The following P2RY14 variants were observed in gnomAD, a reference collection of about 807,000 sequenced individuals.
P2RY14 encodes purinergic receptor P2Y14.
A neutral mutation model predicts 0.9 loss-of-function variants in P2RY14; 2 were observed. That is an observed-to-expected ratio of 2.16 (90% CI 0.88 to 6.79). The LOEUF (loss-of-function observed/expected upper bound fraction) is 6.79, where lower values mean the gene tolerates loss of function less well. Among genes scored for constraint, P2RY14 ranks in the 30% most tolerant of loss-of-function variants. P2RY14 has a pLI of 0.05. For synonymous variants in P2RY14, 158 were observed against 147.2 expected (o/e 1.07, Z -0.53); for missense variants, 378 against 400.1 (o/e 0.94, Z 0.47).
At chr3:151,246,020 A>G (rs1735373028) in intron 1 of P2RY14, among the ~76,000 whole-genome samples, 2 of 151,040 alleles carry the variant, frequency 1.3e-5, no homozygotes, top group Non-Finnish European at 3.0e-5. Flanking sequence ...CCCATTCACA[A>G]TTGCTTCAAA....
At chr3:151,278,145 A>G (rs1742205843) in intron 1 of P2RY14, 142 bp downstream of exon 1, 1 of 152,242 alleles carries the variant, frequency 6.6e-6, no homozygotes, top group Non-Finnish European at 1.5e-5. Context: ...TTGTCAAACA[A>G]AAAGTAACCT....
intron 2 of P2RY14, among the ~76,000 whole-genome samples, chr3:151,219,304 C>T (rs1728858720): frequency 6.6e-6 from 1 of 152,214 alleles, no homozygotes; most frequent in African/African-American, 2.4e-5. Context: ...CAAAGCATTG[C>T]TCACTCCAGA....
chr3:151,273,767 G>A (rs191334190), intron 1 of P2RY14, among the ~76,000 whole-genome samples: 4 of 152,272 alleles, frequency 2.6e-5, no homozygotes, highest in Admixed American at 2.6e-4. Context: ...ATAGGGACTG[G>A]TTGTCTTCTT....
chr3:151,239,193 G>A (rs1320120613), intron 1 of P2RY14, among the ~76,000 whole-genome samples: 8 of 152,188 alleles, frequency 5.3e-5, no homozygotes, highest in African/African-American at 1.7e-4. Flanking sequence ...CATGACCAAT[G>A]TATGATGTTA....
At chr3:151,218,137 C>T (rs964204129) in intron 2 of P2RY14, among the ~76,000 whole-genome samples, 1 of 151,884 alleles carries the variant, frequency 6.6e-6, no homozygotes, top group Non-Finnish European at 1.5e-5. Flanking sequence ...TGAAGGAAAT[C>T]GTTTTATTCT....
At chr3:151,240,889 C>T (rs1251175846) in intron 1 of P2RY14, among the ~76,000 whole-genome samples, 1 of 152,184 alleles carries the variant, frequency 6.6e-6, no homozygotes, top group Non-Finnish European at 1.5e-5. Context: ...AAGTACCATG[C>T]TTGGTCTTGA....
chr3:151,220,682 G>T (rs1729169338), intron 1 of P2RY14, among the ~76,000 whole-genome samples: 1 of 152,218 alleles, frequency 6.6e-6, no homozygotes, highest in Admixed American at 6.5e-5. Flanking sequence ...TGCCATGTGA[G>T]ACATGCCTGT....
At chr3:151,266,639 T>G (rs10513391) in intron 1 of P2RY14, among the ~76,000 whole-genome samples, 41,107 of 152,032 alleles carry the variant, frequency 0.27, 5,813 homozygotes, top group South Asian at 0.31. Flanking sequence ...TTTAAGTAAA[T>G]GAAGGAGTGG....
At chr3:151,236,152 CT>C in intron 1 of P2RY14, among the ~76,000 whole-genome samples, 1 of 152,154 alleles carries the variant, frequency 6.6e-6, no homozygotes, top group Non-Finnish European at 1.5e-5. Context: ...CAGAATAGAG[CT>C]TGCTCTACAG....
At chr3:151,263,551 A>G (rs1882014) in intron 1 of P2RY14, among the ~76,000 whole-genome samples, 69,895 of 152,022 alleles carry the variant, frequency 0.46, 16,249 homozygotes, top group Middle Eastern at 0.65. Flanking sequence ...CATGAGCTTT[A>G]CGTGTTTTAT....
rs10646837 is a variant in P2RY14 at position 151,223,175 on chromosome 3, CA to C, written c.-132-3534del. Among the ~76,000 whole-genome samples, 956 of 127,102 alleles carry C rather than the reference CA, an allele frequency of 7.5e-3. 14 individuals are homozygous for C. Among genetic ancestry groups the C allele is most frequent in the African/African-American group, 0.024 (825 of 34,016 alleles). The allele number at this position is 127,102 out of a possible 152,430, so 83.4% of individuals were successfully genotyped here. A position where few individuals can be genotyped will look rare whatever the true frequency, so the allele number is the denominator to read the frequency against. On this transcript the variant is annotated intron_variant, in intron 1 of 2. Coordinates refer to ENST00000309170, the MANE Select transcript of P2RY14 (RefSeq NM_014879.4). The stretch of plus-strand genomic sequence containing the variant: ...ACATTGAGGCTTTTATTAAAAAGTC[CA>C]AAAAAAAAAAAAAACTAGATGTCAG...
intron 1 of P2RY14, among the ~76,000 whole-genome samples, chr3:151,239,630 T>C (rs1228098521): frequency 1.3e-5 from 2 of 152,218 alleles, no homozygotes; most frequent in East Asian, 1.9e-4. Context: ...TCTAAAATAA[T>C]AAGTATGGAT....
chr3:151,247,763 A>T (rs1735944170), intron 1 of P2RY14, among the ~76,000 whole-genome samples: 2 of 113,318 alleles, frequency 1.8e-5, no homozygotes, highest in Admixed American at 8.5e-5. Flanking sequence ...ATGTATAATA[A>T]AAAAAAAAAG....
chr3:151,276,758 C>T (rs557684246), intron 1 of P2RY14, among the ~76,000 whole-genome samples: 1 of 152,356 alleles, frequency 6.6e-6, no homozygotes, highest in African/African-American at 2.4e-5. Flanking sequence ...GTCACACCCT[C>T]TGTACCTGCT....
At chr3:151,270,038 A>G (rs1740587726) in intron 1 of P2RY14, 1 of 238,386 alleles carries the variant, frequency 4.2e-6, no homozygotes, top group Non-Finnish European at 8.2e-6. Flanking sequence ...AAGGATGGGA[A>G]GATATTGATA....
intron 1 of P2RY14, chr3:151,241,907 G>C (rs1734182930): frequency 6.5e-6 from 1 of 152,988 alleles, no homozygotes; most frequent in African/African-American, 2.4e-5. Context: ...CAGACAGTGG[G>C]CGCAGGTCAG....
chr3:151,266,742 A>C (rs1045266997), intron 1 of P2RY14, among the ~76,000 whole-genome samples: 1 of 152,220 alleles, frequency 6.6e-6, no homozygotes, highest in Non-Finnish European at 1.5e-5. Flanking sequence ...GGAAAAATAA[A>C]GCATACATGC....
chr3:151,238,483 A>C (rs1357006032), intron 1 of P2RY14, among the ~76,000 whole-genome samples: 1 of 152,232 alleles, frequency 6.6e-6, no homozygotes, highest in East Asian at 1.9e-4. Context: ...CTGCAGAACC[A>C]CAGGGGTTCC....
chr3:151,271,918 G>A (rs1296835318), intron 1 of P2RY14, among the ~76,000 whole-genome samples: 2 of 152,128 alleles, frequency 1.3e-5, no homozygotes, highest in Non-Finnish European at 2.9e-5. Context: ...TATCTTAATT[G>A]GGGTGGTGAT....
Sources: gnomAD v4.1 joint callset for allele counts (sites outside exome capture counted in the v4.1 genomes callset) on GRCh38, gnomAD v4.1.1 for gene constraint, MANE v1.5 for transcripts, NCBI Gene and HGNC (gene_info 2026-07-23, HGNC 2026-07-21) for gene names.